The following ATRNL1 variants were observed in gnomAD, a reference collection of about 807,000 sequenced individuals.
The protein encoded by ATRNL1 is attractin like 1.
A neutral mutation model predicts 182.7 loss-of-function variants in ATRNL1; 95 were observed. The ratio of observed to expected loss-of-function variants is 0.52; its 90% confidence interval spans 0.44 to 0.62. The LOEUF (loss-of-function observed/expected upper bound fraction) is 0.62. Ranked by LOEUF, ATRNL1 falls within the 20% of genes least tolerant of loss-of-function variation. The pLI is 0.00. For missense variants in ATRNL1, 1,471 were observed against 1,679.5 expected (o/e 0.88, Z 2.17); for synonymous variants, 576 against 568.3 (o/e 1.01, Z -0.19).
intron 26 of ATRNL1, among the ~76,000 whole-genome samples, chr10:115,593,591 C>T (rs1278271492): frequency 6.6e-6 from 1 of 152,110 alleles, no homozygotes; most frequent in Non-Finnish European, 1.5e-5. Flanking sequence ...CCACAAATGC[C>T]TACACTTATA....
chr10:115,198,138 A>G (rs1554891490), intron 8 of ATRNL1, among the ~76,000 whole-genome samples: 1 of 152,160 alleles, frequency 6.6e-6, no homozygotes, highest in African/African-American at 2.4e-5. Flanking sequence ...AACAGGGTAC[A>G]AGGATTCCCT....
intron 26 of ATRNL1, among the ~76,000 whole-genome samples, chr10:115,573,309 TCTC>T (rs1279216598): frequency 3.3e-5 from 5 of 152,064 alleles, no homozygotes; most frequent in Non-Finnish European, 4.4e-5. Flanking sequence ...GCCAAATTCT[TCTC>T]AGTGTTCAGA....
chr10:115,483,418 A>G (rs1354349686), intron 24 of ATRNL1, among the ~76,000 whole-genome samples: 1 of 151,488 alleles, frequency 6.6e-6, no homozygotes, highest in Non-Finnish European at 1.5e-5. Flanking sequence ...GCAAATATAG[A>G]TTTTCATTGC....
chr10:115,713,916 G>A (rs898982439), intron 26 of ATRNL1, among the ~76,000 whole-genome samples: 1 of 152,100 alleles, frequency 6.6e-6, no homozygotes, highest in Admixed American at 6.5e-5. Context: ...TTCAAGTTCC[G>A]TAAATTTAGA....
At chr10:115,374,586 T>A (rs1370473910) in intron 19 of ATRNL1, among the ~76,000 whole-genome samples, 9 of 151,594 alleles carry the variant, frequency 5.9e-5, no homozygotes, top group African/African-American at 2.2e-4. Context: ...GCTGTTTATT[T>A]GAGAACGTTC....
intron 21 of ATRNL1, among the ~76,000 whole-genome samples, chr10:115,446,463 G>GT (rs1405578148): frequency 6.6e-6 from 1 of 151,654 alleles, no homozygotes; most frequent in Non-Finnish European, 1.5e-5. Flanking sequence ...TGGAGTCAGT[G>GT]TTTTTTAGAT....
chr10:115,255,654 G>T (rs189303806), intron 10 of ATRNL1, among the ~76,000 whole-genome samples: 135 of 152,194 alleles, frequency 8.9e-4, no homozygotes, highest in Middle Eastern at 3.4e-3. Flanking sequence ...GATTGCCCTG[G>T]CCAGAACTTG....
intron 8 of ATRNL1, among the ~76,000 whole-genome samples, chr10:115,206,371 G>GT (rs1218215838): frequency 2.0e-5 from 3 of 151,650 alleles, no homozygotes; most frequent in South Asian, 2.1e-4. Flanking sequence ...TTTTTGTTTT[G>GT]TTTTTTCAAA....
Position 115,683,548 on chromosome 10 carries a change from G to GTTTTTTTTTTTT in ATRNL1, c.3796-43695_3796-43684dup, listed in dbSNP as rs59383182. ...ATATGGGAAGAAGAAGAGAACTAGC[G>GTTTTTTTTTTTT]TTTTTTTTTTTTTTTTGCATGCCTA... On this transcript the variant is annotated intron_variant, in intron 26 of 28. Coordinates refer to ENST00000355044, the MANE Select transcript of ATRNL1 (RefSeq NM_207303.4). Among the ~76,000 whole-genome samples the GTTTTTTTTTTTT allele has an allele frequency of 2.7e-5, 3 of 110,942 alleles. 1 individual carries two copies. Among genetic ancestry groups the GTTTTTTTTTTTT allele is most frequent in the Admixed American group, 1.2e-4 (1 of 8,596 alleles). The allele number at this position is 110,942 out of a possible 152,430, so 72.8% of individuals were successfully genotyped here.
chr10:115,903,558 T>C (rs191530149), intron 28 of ATRNL1, among the ~76,000 whole-genome samples: 159 of 152,318 alleles, frequency 1.0e-3, no homozygotes, highest in African/African-American at 3.4e-3. Context: ...GGAACTTTCT[T>C]TGGAGCTAAA....
chr10:115,317,121 G>A (rs960642459), intron 18 of ATRNL1, among the ~76,000 whole-genome samples: 2 of 152,144 alleles, frequency 1.3e-5, no homozygotes, highest in African/African-American at 4.8e-5. Flanking sequence ...TCCAGTTTCA[G>A]TTTTCTGCAT....
chr10:115,315,817 A>T, intron 18 of ATRNL1, 81 bp downstream of exon 18: 5 of 1,207,020 alleles, frequency 4.1e-6, no homozygotes, highest in Non-Finnish European at 4.6e-6. Flanking sequence ...AATAAAGAAA[A>T]TTTAGCTTTA....
rs1255407976 is a variant in ATRNL1 at position 115,169,944 on chromosome 10, C to G, written c.1093-1093C>G. 2.6e-5 allele frequency among the ~76,000 whole-genome samples: 4 copies of G among 152,014 alleles called. No individual in the cohort carries two copies. The East Asian group carries it at 7.7e-4, about 29-fold the overall frequency. On this transcript the variant is annotated intron_variant, in intron 7 of 28. Transcript: ENST00000355044. Reference sequence around the variant, plus strand: ...TTCCCAATTTCATTTTTGGGGTGTTCATTACAAGTGTATGGAAATACAATT... The same window carrying G: ...TTCCCAATTTCATTTTTGGGGTGTTGATTACAAGTGTATGGAAATACAATT...
intron 26 of ATRNL1, among the ~76,000 whole-genome samples, chr10:115,723,189 A>G (rs572513881): frequency 2.0e-5 from 3 of 152,204 alleles, no homozygotes; most frequent in Admixed American, 1.3e-4. Flanking sequence ...AGAGGTGATC[A>G]TTTCAAAGTT....
chr10:115,248,962 A>G (rs116432857), intron 10 of ATRNL1, among the ~76,000 whole-genome samples: 1,728 of 152,154 alleles, frequency 0.011, 29 homozygotes, highest in African/African-American at 0.039. Flanking sequence ...TCAAATTTGC[A>G]TTTAAGACTA....
chr10:115,457,658 A>G (rs1847593426), intron 21 of ATRNL1, among the ~76,000 whole-genome samples: 1 of 151,926 alleles, frequency 6.6e-6, no homozygotes, highest in Non-Finnish European at 1.5e-5. Context: ...GATTTTATTG[A>G]GAAAATGGAA....
intron 27 of ATRNL1, among the ~76,000 whole-genome samples, chr10:115,754,987 T>C (rs1555071596): frequency 1.3e-5 from 2 of 152,164 alleles, no homozygotes; most frequent in African/African-American, 4.8e-5. Context: ...TATTGGTGTA[T>C]AGGAATGCTT....
chr10:115,346,976 A>G (rs1427176340), intron 19 of ATRNL1, among the ~76,000 whole-genome samples: 2 of 152,120 alleles, frequency 1.3e-5, no homozygotes, highest in Non-Finnish European at 1.5e-5. Flanking sequence ...TTTTTTGCCA[A>G]CATAGGTAAA....
chr10:115,303,221 G>A (rs893460906), intron 17 of ATRNL1, among the ~76,000 whole-genome samples: 1 of 107,024 alleles, frequency 9.3e-6, no homozygotes, highest in Non-Finnish European at 1.7e-5. Flanking sequence ...TGGTATGCAG[G>A]TTTTTTTTTT....
Sources: allele counts gnomAD v4.1 joint callset (sites outside exome capture counted in the v4.1 genomes callset), GRCh38; gene constraint gnomAD v4.1.1; transcripts MANE v1.5; gene names NCBI Gene and HGNC (gene_info 2026-07-23, HGNC 2026-07-21).